RUBCN: variants seen among roughly 807,000 people sequenced by gnomAD.
The protein encoded by RUBCN is rubicon autophagy regulator.
In RUBCN, 74 loss-of-function variants were observed where a neutral mutation model predicts 113.2. The ratio of observed to expected loss-of-function variants is 0.65; its 90% CI spans 0.54 to 0.79. The LOEUF (loss-of-function observed/expected upper bound fraction) is 0.79, where lower values mean the gene tolerates loss of function less well. Among genes scored for constraint, RUBCN ranks in the 30% least tolerant of loss-of-function variants. The pLI, the probability that RUBCN is intolerant of heterozygous loss-of-function variation, is 0.00. For synonymous variants in RUBCN, 480 were observed against 490.0 expected (o/e 0.98, Z 0.27); for missense variants, 1,109 against 1,251.7 (o/e 0.89, Z 1.72).
chr3:197,717,198 G>C (rs893580564), intron 2 of RUBCN, among the ~76,000 whole-genome samples: 2 of 151,854 alleles, frequency 1.3e-5, no homozygotes, highest in African/African-American at 4.8e-5. Context: ...ACTTTGGGAG[G>C]CCAAGGTGGG....
At chr3:197,713,690 G>A (rs988278021) in intron 2 of RUBCN, among the ~76,000 whole-genome samples, 1 of 151,986 alleles carries the variant, frequency 6.6e-6, no homozygotes, top group African/African-American at 2.4e-5. Context: ...GTCATCAATG[G>A]GTGAGTGATC....
chr3:197,700,945 C>T lies in RUBCN; in HGVS notation c.929G>A (p.Ser310Asn), dbSNP rs201665130. ...TSPIEASWVS[S>N]QNDSPGDASE... Reference sequence around the variant, plus strand: ...GGCATCACCTGGGGAATCATTCTGGCTGCTGACCCAGGATGCCTCTATGGG... The same window carrying T: ...GGCATCACCTGGGGAATCATTCTGGTTGCTGACCCAGGATGCCTCTATGGG... The change falls in exon 7 of 20, where the codon AGC becomes AAC. Residue 310 changes from serine (S) to asparagine (N), a missense_variant. Physicochemically the swap from Ser to Asn is conservative, Grantham distance 46. Around this residue, in one of 3 missense-constraint regions of RUBCN, gnomAD observed 736 missense variants for 779.6 expected, o/e 0.94. Transcript: ENST00000296343. 181 of 1,614,110 alleles carry T rather than the reference C, an allele frequency of 1.1e-4. No homozygotes were observed. Among genetic ancestry groups the T allele is most frequent in the Non-Finnish European group, 1.5e-4 (172 of 1,180,048 alleles).
intron 1 of RUBCN, among the ~76,000 whole-genome samples, chr3:197,731,611 G>A (rs1194406536): frequency 1.3e-5 from 2 of 148,662 alleles, no homozygotes; most frequent in South Asian, 2.1e-4. Context: ...GGGGCGGCTG[G>A]CCGGGCGGGG....
chr3:197,682,353 G>A, intron 14 of RUBCN, 117 bp downstream of exon 14: 1 of 1,237,210 alleles, frequency 8.1e-7, no homozygotes, highest in Non-Finnish European at 1.2e-6. Flanking sequence ...GCCTTTAAAT[G>A]AAGAGAACGG....
intron 7 of RUBCN, 74 bp downstream of exon 7, chr3:197,700,538 AG>A: frequency 7.0e-7 from 1 of 1,435,654 alleles, no homozygotes; most frequent in Middle Eastern, 1.8e-4. Context: ...CCACCTGAAA[AG>A]TCCCCATAAC....
intron 7 of RUBCN, among the ~76,000 whole-genome samples, chr3:197,697,285 A>G (rs538825607): frequency 6.4e-4 from 97 of 152,306 alleles, no homozygotes; most frequent in South Asian, 1.2e-3. Context: ...GGGGCAACAT[A>G]AAGGAAAGAA....
At chr3:197,679,762 G>A (rs1287494118) in intron 16 of RUBCN, among the ~76,000 whole-genome samples, 2 of 135,324 alleles carry the variant, frequency 1.5e-5, no homozygotes, top group East Asian at 2.1e-4. Flanking sequence ...ACTGTCCTAC[G>A]CTCTGACAAC....
At chr3:197,723,311 T>A (rs1467463051) in intron 1 of RUBCN, among the ~76,000 whole-genome samples, 1 of 152,012 alleles carries the variant, frequency 6.6e-6, no homozygotes, top group Non-Finnish European at 1.5e-5. Context: ...TCCTGAGTAG[T>A]TGGAATTAGA....
chr3:197,740,385 C>G (rs1728476801), upstream of RUBCN, among the ~76,000 whole-genome samples: 1 of 151,444 alleles, frequency 6.6e-6, no homozygotes, highest in African/African-American at 2.4e-5. Flanking sequence ...AGGAGAATCT[C>G]TTTAACCTGG....
chr3:197,740,016 G>C (rs1404967961), upstream of RUBCN, among the ~76,000 whole-genome samples: 1 of 152,082 alleles, frequency 6.6e-6, no homozygotes, highest in Non-Finnish European at 1.5e-5. Context: ...CTCCACCCTG[G>C]GTGACAGAGT....
rs1365084326 is a variant in RUBCN, at chr3:197,681,073, G to A, written c.2430+56C>T. 1 of 1,066,652 alleles carries A rather than the reference G, an allele frequency of 9.4e-7. No individual in the cohort carries two copies. The highest frequency in any genetic ancestry group is 1.6e-5 in the African/African-American group (1 of 62,362). 66.1% of individuals were successfully genotyped at this position (1,066,652 alleles called of 1,614,324 possible). A position where few individuals can be genotyped will look rare whatever the true frequency, so the allele number is the denominator to read the frequency against. On this transcript the variant is annotated intron_variant, in intron 16 of 19. Coordinates refer to ENST00000296343, the MANE Select transcript of RUBCN (RefSeq NM_014687.4). The surrounding 1 kb of genome is among the most constrained non-coding windows in gnomAD (Gnocchi z 5.5). ...AGGGGACGGGGGAGGGACGAGGGGA[G>A]GGGATGAGGGGAGGAGAAGGGCAAG...
At chr3:197,694,209 G>A (rs1440980234) in intron 10 of RUBCN, 166 bp downstream of exon 10, 4 of 761,986 alleles carry the variant, frequency 5.2e-6, no homozygotes, top group Non-Finnish European at 9.4e-6. Context: ...AGGTATTTCT[G>A]ATGCAGGAAA....
intron 1 of RUBCN, among the ~76,000 whole-genome samples, chr3:197,727,732 T>C (rs923128457): frequency 1.3e-5 from 2 of 152,220 alleles, no homozygotes; most frequent in African/African-American, 2.4e-5. Flanking sequence ...TTAAATCTGC[T>C]TGACGGAATG....
Position 197,681,677 on chromosome 3 carries a change from G to A in RUBCN, c.2191+158C>T, listed in dbSNP as rs942578856. Among the ~76,000 whole-genome samples the A allele has an allele frequency of 2.0e-5, 3 of 152,154 alleles. No homozygotes were observed. Among genetic ancestry groups the A allele is most frequent in the African/African-American group, 4.8e-5 (2 of 41,434 alleles). Reference sequence around the variant, plus strand: ...GTGCTCCCAGAAATCATTTCCCTCCGATTGCCAGCACTCTTGCCTACTACG... The same window carrying A: ...GTGCTCCCAGAAATCATTTCCCTCCAATTGCCAGCACTCTTGCCTACTACG... On this transcript the variant is annotated intron_variant, in intron 15 of 19. Transcript: ENST00000296343. The surrounding 1 kb of genome is among the most constrained non-coding windows in gnomAD (Gnocchi z 5.5).
chr3:197,749,750 C>T, upstream of RUBCN: 1 of 591,490 alleles, frequency 1.7e-6, no homozygotes, highest in Non-Finnish European at 3.1e-6. Flanking sequence ...ATGCCTCGTC[C>T]GATCCTGCGA....
intron 1 of RUBCN, among the ~76,000 whole-genome samples, chr3:197,735,309 TA>T (rs1306501122): frequency 6.6e-6 from 1 of 152,238 alleles, no homozygotes; most frequent in Admixed American, 6.5e-5. Flanking sequence ...TGAGCTAGTA[TA>T]ATCGCTTGAG....
rs1195072604 is a variant in RUBCN, at chr3:197,669,277, TA to T, written c.*5740del. ...ATTCAGATTTTGCCAGTTTTTTCAC[TA>T]ATATCCTTTCTCCATTTCGGGATCC... On this transcript the variant is annotated 3_prime_UTR_variant, in exon 20 of 20. Coordinates refer to ENST00000296343, the MANE Select transcript of RUBCN (RefSeq NM_014687.4). Among the ~76,000 whole-genome samples the T allele has an allele frequency of 6.6e-6, 1 of 152,242 alleles. No homozygotes were observed. Among genetic ancestry groups the T allele is most frequent in the African/African-American group, 2.4e-5 (1 of 41,460 alleles).
chr3:197,680,070 G>A (rs576709416), intron 16 of RUBCN, among the ~76,000 whole-genome samples: 65 of 149,378 alleles, frequency 4.4e-4, no homozygotes, highest in African/African-American at 1.5e-3. Flanking sequence ...ACTGTCCTAC[G>A]CTCTAACTGA....
At chr3:197,733,612 A>C (rs2109007288) in intron 1 of RUBCN, among the ~76,000 whole-genome samples, 1 of 152,336 alleles carries the variant, frequency 6.6e-6, no homozygotes, top group Non-Finnish European at 1.5e-5. Flanking sequence ...ATTAATAGGC[A>C]CAAGGAATGT....
Sources: allele counts gnomAD v4.1 joint callset (sites outside exome capture counted in the v4.1 genomes callset), GRCh38; gene constraint gnomAD v4.1.1; regional missense constraint gnomAD v4.1.1; non-coding constraint Gnocchi (gnomAD v3.1); transcripts MANE v1.5; gene names NCBI Gene and HGNC (gene_info 2026-07-23, HGNC 2026-07-21).